MYO7A: variants seen among roughly 807,000 people sequenced by gnomAD.
MYO7A encodes unconventional myosin-VIIa.
A neutral mutation model predicts 263.8 loss-of-function variants in MYO7A; 210 were observed. The observed-to-expected ratio is 0.80, with a 90% CI of 0.71 to 0.89. The LOEUF is 0.89. Among genes scored for constraint, MYO7A ranks in the 40% least tolerant of loss-of-function variants. MYO7A has a pLI of 0.00. For synonymous variants in MYO7A, 1,239 were observed against 1,197.3 expected (o/e 1.03, Z -0.72); for missense variants, 2,820 against 2,968.3 (o/e 0.95, Z 1.16).
At chr11:77,163,103 C>CATGT (rs111580784) in intron 14 of MYO7A, 115 bp downstream of exon 14, 3 of 898,794 alleles carry the variant, frequency 3.3e-6, no homozygotes, top group Non-Finnish European at 4.8e-6. Flanking sequence ...TGTGATTATT[C>CATGT]ATATATATAT....
chr11:77,208,660 A>C (rs570274981), intron 43 of MYO7A, 37 bp from the exon 44 acceptor site: 1 of 1,528,786 alleles, frequency 6.5e-7, no homozygotes, highest in Non-Finnish European at 8.9e-7. Flanking sequence ...TCCTCTGTGC[A>C]GGGACCCTCT....
Position 77,158,293 on chromosome 11 carries a change from G to A in MYO7A, c.866G>A (p.Cys289Tyr). 1 of 1,608,314 alleles carries A rather than the reference G, an allele frequency of 6.2e-7. No homozygotes were observed. Among genetic ancestry groups the A allele is most frequent in the Non-Finnish European group, 8.5e-7 (1 of 1,176,186 alleles). Reference sequence around the variant, plus strand: ...GCCCACCAGGGTAACTGCATAACCTGTGAGGGCCGGGTGGACAGCCAGGAG... The same window carrying A: ...GCCCACCAGGGTAACTGCATAACCTATGAGGGCCGGGTGGACAGCCAGGAG... ...NYLAMGNCIT[C>Y]EGRVDSQEYA... is the part of the protein sequence containing the mutation. The change falls in exon 9 of 49, where the codon TGT becomes TAT. Residue 289 changes from cysteine to tyrosine, a missense_variant. Physicochemically the swap from Cys to Tyr is radical, Grantham distance 194 (BLOSUM62 -2). Coordinates refer to ENST00000409709, the MANE Select transcript of MYO7A (RefSeq NM_000260.4).
chr11:77,207,664 C>A (rs1467684790), intron 42 of MYO7A, among the ~76,000 whole-genome samples: 5 of 152,234 alleles, frequency 3.3e-5, no homozygotes, highest in Non-Finnish European at 7.3e-5. Context: ...CAGACCCTCA[C>A]CCTGCCCCAA....
chr11:77,160,997 T>G lies in MYO7A; in HGVS notation c.1225T>G (p.Trp409Gly), dbSNP rs1555068269. The change falls in exon 12 of 49, where the codon TGG (tryptophan) becomes GGG (glycine). Residue 409 changes from tryptophan (W) to glycine (G), a missense_variant. Coordinates refer to ENST00000409709, the MANE Select transcript of MYO7A (RefSeq NM_000260.4). ...VKGIYGRLFVWIVDKINAAIY... is the reference protein window; with the variant it reads ...VKGIYGRLFVGIVDKINAAIY... ...GGGGATCTACGGGCGGCTGTTCGTGTGGATTGTGGACAAGATCAACGCAGC... is the reference window on the plus strand; with the variant it reads ...GGGGATCTACGGGCGGCTGTTCGTGGGGATTGTGGACAAGATCAACGCAGC... 1 of 1,610,910 alleles carries G rather than the reference T, an allele frequency of 6.2e-7. No homozygotes were observed. Among genetic ancestry groups the G allele is most frequent in the Admixed American group, 1.7e-5 (1 of 59,540 alleles).
intron 14 of MYO7A, among the ~76,000 whole-genome samples, chr11:77,164,395 C>A (rs1661197609): frequency 6.6e-6 from 1 of 152,092 alleles, no homozygotes. Context: ...TACTATGTAC[C>A]ACAAAAAATT....
At chr11:77,199,443 C>G (rs1417019343) in intron 34 of MYO7A, 92 bp from the exon 35 acceptor site, 10 of 1,347,248 alleles carry the variant, frequency 7.4e-6, no homozygotes, top group Non-Finnish European at 1.9e-6. Context: ...CTGGCCAGGC[C>G]AGCTCTGACT....
At position 77,156,675 on chromosome 11, in the gene MYO7A, C is replaced by T. The variant is rs367687624; in HGVS notation, c.486C>T (p.Ala162=). The T allele has an allele frequency of 6.4e-4, 1,028 of 1,613,684 alleles. No homozygotes were observed. The highest frequency in any genetic ancestry group is 9.9e-4 in the Middle Eastern group (6 of 6,062). The change falls in exon 6 of 49, where the codon GCC becomes GCT. Residue 162 remains alanine, a synonymous_variant. Transcript: ENST00000409709. ...CCCTCTGCAGTGGGGAATCTGGGGCCGGGAAGACGGAGAGCACAAAGCTGA... is the reference window on the plus strand; with the variant it reads ...CCCTCTGCAGTGGGGAATCTGGGGCTGGGAAGACGGAGAGCACAAAGCTGA... ...QCCIISGESG[A]GKTESTKLIL... is the part of the protein sequence containing the mutation.
At chr11:77,211,001 G>A (rs1044333460) in intron 44 of MYO7A, 151 bp from the exon 45 acceptor site, 3 of 692,136 alleles carry the variant, frequency 4.3e-6, no homozygotes, top group Non-Finnish European at 7.2e-6. Context: ...GTATCCCCTG[G>A]GGGAGCAGTG....
At chr11:77,132,752 A>G (rs904749445) in intron 2 of MYO7A, among the ~76,000 whole-genome samples, 4 of 152,116 alleles carry the variant, frequency 2.6e-5, no homozygotes, top group Non-Finnish European at 5.9e-5. Flanking sequence ...CTCCCAAAGT[A>G]CTGGGATTAC....
At chr11:77,129,232 T>C (rs564817689) in intron 1 of MYO7A, among the ~76,000 whole-genome samples, 78 of 152,306 alleles carry the variant, frequency 5.1e-4, no homozygotes, top group African/African-American at 1.8e-3. Context: ...TTCAGACAAG[T>C]GCCCGGTGGC....
In MYO7A at chr11:77,175,045, A is replaced by T. The variant is rs1252864072; in HGVS notation, c.2094+131A>T. 1.5e-5 allele frequency: 18 copies of T among 1,199,688 alleles called. No individual in the cohort carries two copies. The Admixed American group carries it at 4.4e-4, about 29-fold the overall frequency. The allele number at this position is 1,199,688 out of a possible 1,614,324, so 74.3% of individuals were successfully genotyped here. ...TGACCTCTCAGGTGCAGCACGGAAA[A>T]TTGGGGTTCAGGTATTGGAATGCAT... On this transcript the variant is annotated intron_variant, in intron 17 of 48. Coordinates refer to ENST00000409709, the MANE Select transcript of MYO7A (RefSeq NM_000260.4).
At chr11:77,192,898 G>GGT (rs1956216394) in intron 31 of MYO7A, among the ~76,000 whole-genome samples, 1 of 116,828 alleles carries the variant, frequency 8.6e-6, no homozygotes, top group Non-Finnish European at 1.7e-5. Flanking sequence ...GGTAGTGATG[G>GGT]TGTTGGTGAT....
chr11:77,142,874 C>A, intron 3 of MYO7A, 52 bp downstream of exon 3: 2 of 1,420,542 alleles, frequency 1.4e-6, no homozygotes, highest in Non-Finnish European at 1.9e-6. Flanking sequence ...CAGACCTGGG[C>A]TGACAGCTGC....
chr11:77,129,812 G>C (rs1213856013), intron 1 of MYO7A, among the ~76,000 whole-genome samples: 1 of 152,212 alleles, frequency 6.6e-6, no homozygotes, highest in Non-Finnish European at 1.5e-5. Context: ...AGGTAGAAGG[G>C]CCAGTGTGTG....
chr11:77,137,329 C>T (rs1176161924), intron 2 of MYO7A, among the ~76,000 whole-genome samples: 2 of 152,132 alleles, frequency 1.3e-5, no homozygotes, highest in African/African-American at 4.8e-5. Flanking sequence ...CCGTCTTTTT[C>T]GTTGCCATTC....
In MYO7A at chr11:77,156,095, G is replaced by A. The variant is rs782589007; in HGVS notation, c.470+4G>A. The A allele has an allele frequency of 1.2e-6, 2 of 1,613,442 alleles. No individual in the cohort carries two copies. The highest frequency in any genetic ancestry group is 2.2e-5 in the South Asian group (2 of 90,980). ...GAGACCAGTGCTGCATCATCAGGTGGGCGGCCCAGCACCTGTGTGGAGCTC... is the reference window on the plus strand; with the variant it reads ...GAGACCAGTGCTGCATCATCAGGTGAGCGGCCCAGCACCTGTGTGGAGCTC... On this transcript the variant is annotated splice_donor_region_variant and intron_variant, in intron 5 of 48. Coordinates refer to ENST00000409709, the MANE Select transcript of MYO7A (RefSeq NM_000260.4).
intron 19 of MYO7A, among the ~76,000 whole-genome samples, chr11:77,178,225 T>C (rs1555081285): frequency 2.2e-5 from 3 of 135,160 alleles, no homozygotes; most frequent in Admixed American, 7.2e-5. Context: ...GCCCACCTAT[T>C]CACCCATCCA....
intron 16 of MYO7A, among the ~76,000 whole-genome samples, chr11:77,173,365 T>C (rs797024220): frequency 1.3e-5 from 2 of 152,358 alleles, no homozygotes; most frequent in Admixed American, 6.5e-5. Context: ...CTCCCCCATC[T>C]CTTCAGCTGG....
chr11:77,188,904 G>A (rs1176367130), intron 27 of MYO7A, among the ~76,000 whole-genome samples: 5 of 152,134 alleles, frequency 3.3e-5, no homozygotes, highest in East Asian at 1.9e-4. Context: ...CGCTTTGTCC[G>A]TTGCCATGGG....
Sources: allele counts gnomAD v4.1 joint callset (sites outside exome capture counted in the v4.1 genomes callset), GRCh38; gene constraint gnomAD v4.1.1; transcripts MANE v1.5; gene names NCBI Gene and HGNC (gene_info 2026-07-23, HGNC 2026-07-21).